Variants in PLG observed in about 807,000 individuals in gnomAD.
The protein encoded by PLG is plasminogen.
In PLG, 41 loss-of-function variants were observed where a neutral mutation model predicts 104.4. That is an observed-to-expected ratio of 0.39 (90% CI 0.31 to 0.51). PLG has a LOEUF of 0.51. Ranked by LOEUF, PLG falls within the 20% of genes least tolerant of loss-of-function variation. The pLI is 0.76. For missense variants in PLG, 891 were observed against 1,003.6 expected, an observed-to-expected ratio of 0.89 and a Z score of 1.52; for synonymous variants, 337 against 357.1, an observed-to-expected ratio of 0.94 and a Z score of 0.63.
intron 12 of PLG, among the ~76,000 whole-genome samples, chr6:160,733,467 CT>C (rs1350191643): frequency 1.3e-5 from 2 of 152,070 alleles, no homozygotes; most frequent in Non-Finnish European, 2.9e-5. Flanking sequence ...CTCATAGCTC[CT>C]TTTGAACAGG....
intron 17 of PLG, among the ~76,000 whole-genome samples, chr6:160,751,107 A>C (rs559941376): frequency 6.6e-6 from 1 of 152,358 alleles, no homozygotes; most frequent in Admixed American, 6.5e-5. Context: ...ATTGTTTTCT[A>C]GTGGCACGGT....
chr6:160,721,550 C>G (rs2115166225), intron 9 of PLG, among the ~76,000 whole-genome samples: 1 of 152,308 alleles, frequency 6.6e-6, no homozygotes, highest in South Asian at 2.1e-4. Context: ...CTCCGTGTTC[C>G]TATCCATTCC....
chr6:160,739,119 G>A lies in PLG; in HGVS notation c.1929G>A (p.Val643=). The change falls in exon 16 of 19, where the codon GTG becomes GTA. Residue 643 remains valine, a synonymous_variant. Coordinates refer to ENST00000308192, the MANE Select transcript of PLG (RefSeq NM_000301.5). The surrounding 1 kb of genome is among the most constrained non-coding windows in gnomAD (Gnocchi z 4.4). Reference sequence around the variant, plus strand: ...TCATCCTGGGTGCACACCAAGAAGTGAATCTCGAACCGCATGTTCAGGAAA... The same window carrying A: ...TCATCCTGGGTGCACACCAAGAAGTAAATCTCGAACCGCATGTTCAGGAAA... ...YKVILGAHQE[V]NLEPHVQEIE... is the part of the protein sequence containing the mutation. The A allele has an allele frequency of 6.2e-7, 1 of 1,614,124 alleles. No homozygotes were observed. The highest frequency in any genetic ancestry group is 8.5e-7 in the Non-Finnish European group (1 of 1,179,996).
At chr6:160,711,412 T>A in intron 4 of PLG, 1 of 729,630 alleles carries the variant, frequency 1.4e-6, no homozygotes, top group Non-Finnish European at 2.3e-6. Context: ...GTATTGTTTT[T>A]ATTTGTATTA....
rs1448083494 is a variant in PLG at position 160,744,018 on chromosome 6, C to A, written c.2125+2601C>A. 6.6e-6 allele frequency among the ~76,000 whole-genome samples: 1 copy of A among 152,158 alleles called. No individual in the cohort carries two copies. Among genetic ancestry groups the A allele is most frequent in the African/African-American group, 2.4e-5 (1 of 41,440 alleles). ...ATTCTGGGGATAAAGCCTACTTGAT[C>A]ACGATGGATTGGCTTTTTTATGTGC... is the stretch of plus-strand genomic sequence containing the variant. On this transcript the variant is annotated intron_variant, in intron 17 of 18. Coordinates refer to ENST00000308192, the MANE Select transcript of PLG (RefSeq NM_000301.5). This position sits in a 1 kb window ranked among gnomAD's most constrained non-coding sequence, Gnocchi z 4.5.
At chr6:160,743,609 G>C (rs1242066164) in intron 17 of PLG, among the ~76,000 whole-genome samples, 1 of 152,094 alleles carries the variant, frequency 6.6e-6, no homozygotes, top group South Asian at 2.1e-4. Flanking sequence ...CTGCCAACAG[G>C]GATCGTTTGA....
rs1262077328 is a variant in PLG at position 160,706,475 on chromosome 6, C to G, written c.118C>G (p.Gln40Glu). 6.2e-7 allele frequency: 1 copy of G among 1,613,606 alleles called. No individual in the cohort carries two copies. Among genetic ancestry groups the G allele is most frequent in the Non-Finnish European group, 8.5e-7 (1 of 1,179,694 alleles). Reference protein sequence around the residue: ...GASLFSVTKKQLGAGSIEECA... With the variant: ...GASLFSVTKKELGAGSIEECA... Reference sequence around the variant, plus strand: ...TTCACTGTTCAGTGTCACTAAGAAGCAGCTGGGAGCAGGAAGTATAGAAGA... The same window carrying G: ...TTCACTGTTCAGTGTCACTAAGAAGGAGCTGGGAGCAGGAAGTATAGAAGA... Residue 40 changes from glutamine (Q) to glutamate (E), a missense_variant, in exon 2 of 19, where the codon CAG (glutamine) becomes GAG (glutamate). By Grantham distance (29) the Gln-to-Glu change is conservative (BLOSUM62 2). This residue lies in a region of PLG where 854 missense variants were observed against 932.1 expected (regional missense o/e 0.92). Transcript: ENST00000308192.
rs1582955358 is a variant in PLG at position 160,752,172 on chromosome 6, T to C, written c.2183T>C (p.Val728Ala). ...CAGCTCCCTGTGATTGAGAATAAAG[T>C]GTGCAATCGCTATGAGTTTCTGAAT... Reference protein sequence around the residue: ...EAQLPVIENKVCNRYEFLNGR... With the variant: ...EAQLPVIENKACNRYEFLNGR... The change falls in exon 18 of 19, where the codon GTG (valine) becomes GCG (alanine). Residue 728 changes from valine (V) to alanine (A), a missense_variant. This residue lies in a region of PLG where 854 missense variants were observed against 932.1 expected (regional missense o/e 0.92). Transcript: ENST00000308192. This position sits in a 1 kb window ranked among gnomAD's most constrained non-coding sequence, Gnocchi z 4.7. 1 of 1,612,470 alleles carries C rather than the reference T, an allele frequency of 6.2e-7. No homozygotes were observed. Among genetic ancestry groups the C allele is most frequent in the Non-Finnish European group, 8.5e-7 (1 of 1,178,552 alleles).
chr6:160,736,685 T>C lies in PLG; in HGVS notation c.1682-202T>C, dbSNP rs1260448731. 2.0e-5 allele frequency among the ~76,000 whole-genome samples: 3 copies of C among 152,152 alleles called. No individual in the cohort carries two copies. Among genetic ancestry groups the C allele is most frequent in the South Asian group, 2.1e-4 (1 of 4,830 alleles). On this transcript the variant is annotated intron_variant, in intron 13 of 18. Coordinates refer to ENST00000308192, the MANE Select transcript of PLG (RefSeq NM_000301.5). The surrounding 1 kb of genome is among the most constrained non-coding windows in gnomAD (Gnocchi z 5.2). ...TCCAACAAAATAATTACAAAGTGCT[T>C]ATATTTTCTTGAAAAGAGAGGGTCC...
In PLG at chr6:160,707,681, T is replaced by G; in HGVS notation, c.186-19T>G. The G allele has an allele frequency of 6.4e-7, 1 of 1,569,076 alleles. No homozygotes were observed. Among genetic ancestry groups the G allele is most frequent in the Non-Finnish European group, 8.8e-7 (1 of 1,140,734 alleles). On this transcript the variant is annotated intron_variant, in intron 2 of 18. Transcript: ENST00000308192. ...AAATAAAGAAAAATACTTATTGGAT[T>G]TCCTGCTTCGTTCTGCAGGGCATTC...
intron 17 of PLG, among the ~76,000 whole-genome samples, chr6:160,748,219 C>T (rs1294009287): frequency 4.0e-5 from 6 of 151,268 alleles, no homozygotes; most frequent in South Asian, 2.1e-4. Context: ...GCAGGAGAAT[C>T]GCTTCAACCT....
chr6:160,722,634 C>A, intron 10 of PLG, 67 bp downstream of exon 10: 1 of 1,445,142 alleles, frequency 6.9e-7, no homozygotes, highest in Non-Finnish European at 9.7e-7. Context: ...AAGAGCCATG[C>A]TTCATGCTTC....
chr6:160,752,560 T>C lies in PLG; in HGVS notation c.2271+300T>C, dbSNP rs916644237. ...GGGACTAAAGTGGTGACTTTTCCGGTAGGGAAGGAGGTAGAGGATACAGGA... is the reference window on the plus strand; with the variant it reads ...GGGACTAAAGTGGTGACTTTTCCGGCAGGGAAGGAGGTAGAGGATACAGGA... On this transcript the variant is annotated intron_variant, in intron 18 of 18. Transcript: ENST00000308192. The surrounding 1 kb of genome is among the most constrained non-coding windows in gnomAD (Gnocchi z 4.7). Among the ~76,000 whole-genome samples the C allele has an allele frequency of 1.3e-5, 2 of 151,972 alleles. No individual in the cohort carries two copies. Among genetic ancestry groups the C allele is most frequent in the Non-Finnish European group, 2.9e-5 (2 of 68,004 alleles).
chr6:160,709,999 C>G (rs1411105649), intron 3 of PLG, among the ~76,000 whole-genome samples: 2 of 152,184 alleles, frequency 1.3e-5, no homozygotes, highest in Non-Finnish European at 2.9e-5. Flanking sequence ...ATGGGGTCAC[C>G]AGTAGAAGGT....
chr6:160,739,120 A>C lies in PLG; in HGVS notation c.1930A>C (p.Asn644His). The C allele has an allele frequency of 6.2e-7, 1 of 1,614,088 alleles. No homozygotes were observed. The highest frequency in any genetic ancestry group is 8.5e-7 in the Non-Finnish European group (1 of 1,179,994). Residue 644 changes from asparagine (N) to histidine (H), a missense_variant, in exon 16 of 19, where the codon AAT becomes CAT. Coordinates refer to ENST00000308192, the MANE Select transcript of PLG (RefSeq NM_000301.5). This position sits in a 1 kb window ranked among gnomAD's most constrained non-coding sequence, Gnocchi z 4.4. The stretch of plus-strand genomic sequence containing the variant: ...CATCCTGGGTGCACACCAAGAAGTG[A>C]ATCTCGAACCGCATGTTCAGGAAAT... ...KVILGAHQEV[N>H]LEPHVQEIEV...
chr6:160,717,587 G>A (rs914060282), intron 7 of PLG, among the ~76,000 whole-genome samples: 2 of 151,772 alleles, frequency 1.3e-5, no homozygotes, highest in African/African-American at 4.8e-5. Context: ...CTGTTGTTTG[G>A]CTTTTATGGC....
At chr6:160,713,472 T>G (rs112447800) in intron 5 of PLG, 1 of 318,058 alleles carries the variant, frequency 3.1e-6, no homozygotes, top group Non-Finnish European at 6.2e-6. Flanking sequence ...TTTCTCCACG[T>G]AGGTCAGGCT....
At chr6:160,722,276 A>AT (rs1431670757) in intron 9 of PLG, 132 bp from the exon 10 acceptor site, 30 of 644,452 alleles carry the variant, frequency 4.7e-5, no homozygotes, top group Non-Finnish European at 8.2e-5. Context: ...TTTTATGTTA[A>AT]TCTGTCTGCT....
At position 160,731,742 on chromosome 6, in the gene PLG, C is replaced by T; in HGVS notation, c.1439-3C>T. ...CATAATCATCCATTTTTTCCCTGTA[C>T]AGACTGTATGTTTGGGAATGGGAAA... On this transcript the variant is annotated splice_region_variant and splice_polypyrimidine_tract_variant and intron_variant, in intron 11 of 18. Transcript: ENST00000308192. This position sits in a 1 kb window ranked among gnomAD's most constrained non-coding sequence, Gnocchi z 5.1. 1 of 1,613,502 alleles carries T rather than the reference C, an allele frequency of 6.2e-7. No homozygotes were observed. The highest frequency in any genetic ancestry group is 8.5e-7 in the Non-Finnish European group (1 of 1,179,596).
Sources: allele counts gnomAD v4.1 joint callset (sites outside exome capture counted in the v4.1 genomes callset), GRCh38; gene constraint gnomAD v4.1.1; regional missense constraint gnomAD v4.1.1; non-coding constraint Gnocchi (gnomAD v3.1); transcripts MANE v1.5; gene names NCBI Gene and HGNC (gene_info 2026-07-23, HGNC 2026-07-21).